Variants in WDR11 observed in about 807,000 individuals in gnomAD.
WDR11 encodes the protein WD repeat domain 11, also known as WD repeat-containing protein 11.
In WDR11, 83 loss-of-function variants were observed where a neutral mutation model predicts 151.2. That is an observed-to-expected ratio of 0.55 (90% CI 0.46 to 0.66). The LOEUF is 0.66. WDR11 is among the 30% of genes least tolerant of loss of function. The probability of loss-of-function intolerance (pLI) is 0.00; values close to 1 mark genes in which losing one functional copy is unlikely to be tolerated. For missense variants in WDR11, 1,301 were observed against 1,480.9 expected, an observed-to-expected ratio of 0.88 and a Z score of 1.99; for synonymous variants, 484 against 533.1, an observed-to-expected ratio of 0.91 and a Z score of 1.27.
At chr10:120,877,812 G>T (rs144656459) in intron 11 of WDR11, among the ~76,000 whole-genome samples, 4 of 152,312 alleles carry the variant, frequency 2.6e-5, no homozygotes, top group East Asian at 1.9e-4. Context: ...TGTATATACT[G>T]TGCCGGGGAC....
In WDR11 at chr10:120,905,427, C is replaced by G; in HGVS notation, c.3291+11C>G. 6.2e-7 allele frequency: 1 copy of G among 1,614,018 alleles called. No individual in the cohort carries two copies. Among genetic ancestry groups the G allele is most frequent in the Non-Finnish European group, 8.5e-7 (1 of 1,179,926 alleles). On this transcript the variant is annotated intron_variant, in intron 26 of 28. Coordinates refer to ENST00000263461, the MANE Select transcript of WDR11 (RefSeq NM_018117.12). The stretch of plus-strand genomic sequence containing the variant: ...GCATGGCTGGCAAAAGTAGGTGGTT[C>G]CAAGTTTCAATAGGTGCCCTCAACA...
At chr10:120,862,683 G>A in intron 4 of WDR11, 52 bp from the exon 5 acceptor site, 1 of 1,564,686 alleles carries the variant, frequency 6.4e-7, no homozygotes, top group Non-Finnish European at 8.8e-7. Flanking sequence ...GAATAAAACT[G>A]TATGCTAAAC....
chr10:120,873,204 T>C (rs1391288117), intron 10 of WDR11, among the ~76,000 whole-genome samples: 4 of 152,206 alleles, frequency 2.6e-5, no homozygotes, highest in Non-Finnish European at 5.9e-5. Context: ...GTGCTTTATG[T>C]TTCCCCATTT....
At chr10:120,874,412 C>T (rs1469182136) in intron 11 of WDR11, among the ~76,000 whole-genome samples, 1 of 151,444 alleles carries the variant, frequency 6.6e-6, no homozygotes, top group African/African-American at 2.4e-5. Flanking sequence ...ATTTTTTTTA[C>T]TTTAAGTTCC....
intron 19 of WDR11, among the ~76,000 whole-genome samples, chr10:120,893,410 A>G (rs977327567): frequency 6.6e-6 from 1 of 152,016 alleles, no homozygotes; most frequent in Non-Finnish European, 1.5e-5. Context: ...AATCCAGTCT[A>G]TGATTGTTGG....
chr10:120,859,668 A>G (rs1165220554), intron 3 of WDR11, among the ~76,000 whole-genome samples: 1 of 152,128 alleles, frequency 6.6e-6, no homozygotes, highest in Non-Finnish European at 1.5e-5. Flanking sequence ...CTTACTGTGT[A>G]CTAGGTACTG....
intron 19 of WDR11, among the ~76,000 whole-genome samples, chr10:120,896,510 C>G (rs929357962): frequency 6.6e-6 from 1 of 152,106 alleles, no homozygotes; most frequent in East Asian, 1.9e-4. Context: ...TGTGTAACAA[C>G]AATATTGGTA....
rs1364522665 is a variant in WDR11, at chr10:120,858,739, G to A, written c.295G>A (p.Asp99Asn). 6.2e-7 allele frequency: 1 copy of A among 1,614,088 alleles called. No individual in the cohort carries two copies. The highest frequency in any genetic ancestry group is 2.2e-5 in the East Asian group (1 of 44,886). ...TGTCAATGGGAAGATCATCGTCTGG[G>A]ATGTAGCAGCAGGAGTAGCTCAGTG... is the stretch of plus-strand genomic sequence containing the variant. ...ADVNGKIIVW[D>N]VAAGVAQCEI... The change falls in exon 3 of 29, where the codon GAT becomes AAT. Residue 99 changes from aspartate to asparagine, a missense_variant. By Grantham distance (23) the Asp-to-Asn change is conservative (BLOSUM62 1). This residue lies in a region of WDR11 where 692 missense variants were observed against 762.5 expected (regional missense o/e 0.91). Coordinates refer to ENST00000263461, the MANE Select transcript of WDR11 (RefSeq NM_018117.12).
intron 11 of WDR11, among the ~76,000 whole-genome samples, chr10:120,875,995 T>TTTGA (rs1846768866): frequency 4.2e-5 from 6 of 142,850 alleles, no homozygotes; most frequent in East Asian, 4.0e-4. Flanking sequence ...TTTTTTTTTT[T>TTTGA]GAGTTGGAGT....
intron 17 of WDR11, chr10:120,889,492 G>A (rs200203816): frequency 2.3e-5 from 9 of 391,984 alleles, no homozygotes; most frequent in East Asian, 1.2e-4. Flanking sequence ...CGCCCACCTC[G>A]GCCTCCCAAA....
At chr10:120,871,480 C>A in intron 10 of WDR11, 134 bp downstream of exon 10, 2 of 901,704 alleles carry the variant, frequency 2.2e-6, no homozygotes, top group Non-Finnish European at 3.3e-6. Flanking sequence ...ACTGTAAATA[C>A]TCATCCTGGA....
chr10:120,876,955 T>C (rs1387179784), intron 11 of WDR11, among the ~76,000 whole-genome samples: 1 of 152,210 alleles, frequency 6.6e-6, no homozygotes, highest in East Asian at 1.9e-4. Flanking sequence ...CCTGCTAAAA[T>C]ACGCACATAG....
intron 19 of WDR11, 30 bp from the exon 20 acceptor site, chr10:120,899,999 T>C (rs775932425): frequency 5.1e-6 from 8 of 1,583,426 alleles, no homozygotes; most frequent in South Asian, 4.4e-5. Flanking sequence ...AACTTCATTT[T>C]ATTTTTAAAA....
Position 120,885,912 on chromosome 10 carries a change from G to A in WDR11, c.1947G>A (p.Leu649=). The change falls in exon 15 of 29, where the codon CTG becomes CTA. Residue 649 remains leucine (L), a synonymous_variant. Coordinates refer to ENST00000263461, the MANE Select transcript of WDR11 (RefSeq NM_018117.12). Reference sequence around the variant, plus strand: ...AGACCGTAGTCTCAGACACAGAGCTGAGTATTGTTGAATCATCTGTGATCA... The same window carrying A: ...AGACCGTAGTCTCAGACACAGAGCTAAGTATTGTTGAATCATCTGTGATCA... ...ARQTVVSDTE[L]SIVESSVISL... is the part of the protein sequence containing the mutation. The A allele has an allele frequency of 6.2e-7, 1 of 1,613,700 alleles. No homozygotes were observed. Among genetic ancestry groups the A allele is most frequent in the Non-Finnish European group, 8.5e-7 (1 of 1,179,764 alleles).
chr10:120,908,898 CTGCGT>C lies in WDR11; in HGVS notation c.*188_*192del, dbSNP rs1848180469. On this transcript the variant is annotated 3_prime_UTR_variant, in exon 29 of 29. Transcript: ENST00000263461. ...TCTATGTTGAGAGTAAGTTTGTATC[CTGCGT>C]TGGTCTCAGAAAGAACGTGAATGCT... is the stretch of plus-strand genomic sequence containing the variant. 4.6e-6 allele frequency: 3 copies of C among 650,052 alleles called. No homozygotes were observed. Among genetic ancestry groups the C allele is most frequent in the Non-Finnish European group, 8.1e-6 (3 of 370,474 alleles). The allele number at this position is 650,052 out of a possible 1,614,324, so 40.3% of individuals were successfully genotyped here.
chr10:120,860,215 G>A lies in WDR11; in HGVS notation c.459G>A (p.Trp153Ter). The A allele has an allele frequency of 1.2e-6, 2 of 1,614,174 alleles. No individual in the cohort carries two copies. The highest frequency in any genetic ancestry group is 1.7e-6 in the Non-Finnish European group (2 of 1,180,036). Residue 153 changes from tryptophan to a stop codon, truncating the protein, a stop_gained, in exon 4 of 29, where the codon TGG becomes TGA. Coordinates refer to ENST00000263461, the MANE Select transcript of WDR11 (RefSeq NM_018117.12). LOFTEE classifies it high-confidence loss of function. ...LWNADTGTKL[W>*]KKSYADNILS... ...ATGCCGACACTGGCACCAAACTATG[G>A]AAGAAGAGCTATGCAGATAACATTC...
In WDR11 at chr10:120,886,853, T is replaced by G; in HGVS notation, c.2121+17T>G. ...CCACCAGATGTGAGTACAACCTTGA[T>G]TAAATCTTCATCAAGAAGATTTTGT... is the stretch of plus-strand genomic sequence containing the variant. On this transcript the variant is annotated intron_variant, in intron 16 of 28. Transcript: ENST00000263461. 6.2e-7 allele frequency: 1 copy of G among 1,613,914 alleles called. No individual in the cohort carries two copies. The highest frequency in any genetic ancestry group is 1.7e-5 in the Admixed American group (1 of 60,010).
rs188066208 is a variant in WDR11, at chr10:120,868,957, G to C, written c.1294+1788G>C. On this transcript the variant is annotated intron_variant, in intron 9 of 28. Transcript: ENST00000263461. ...TATTTTATCAGTAACACAATTTTTT[G>C]AGTTAATTCACCTTGTCTACTCTTA... is the stretch of plus-strand genomic sequence containing the variant. Among the ~76,000 whole-genome samples the C allele has an allele frequency of 6.4e-3, 969 of 152,128 alleles. 2 individuals are homozygous for C. The highest frequency in any genetic ancestry group is 8.4e-3 in the Non-Finnish European group (569 of 67,998).
intron 9 of WDR11, among the ~76,000 whole-genome samples, chr10:120,869,166 A>G (rs1352235000): frequency 7.4e-6 from 1 of 134,260 alleles, no homozygotes; most frequent in Admixed American, 8.6e-5. Context: ...GCTGGAATGC[A>G]GTGGCGCGAT....
Sources: allele counts gnomAD v4.1 joint callset (sites outside exome capture counted in the v4.1 genomes callset), GRCh38; gene constraint gnomAD v4.1.1; regional missense constraint gnomAD v4.1.1; transcripts MANE v1.5; gene names NCBI Gene and HGNC (gene_info 2026-07-23, HGNC 2026-07-21).